Variants in ASTN2 observed in about 807,000 individuals in gnomAD.
ASTN2 encodes astrotactin-2.
Under a neutral mutation model 139.8 loss-of-function variants are expected in ASTN2, and 54 were observed. The ratio of observed to expected loss-of-function variants is 0.39; its 90% CI spans 0.31 to 0.48. ASTN2 has a LOEUF of 0.48. Among genes scored for constraint, ASTN2 ranks in the 20% least tolerant of loss-of-function variants. The probability of loss-of-function intolerance (pLI) is 0.95; values close to 1 mark genes in which losing one functional copy is unlikely to be tolerated. For missense variants in ASTN2, 1,565 were observed against 1,725.1 expected (o/e 0.91, Z 1.64); for synonymous variants, 756 against 719.5 (o/e 1.05, Z -0.81).
chr9:116,565,919 A>G (rs568288342), intron 19 of ASTN2, among the ~76,000 whole-genome samples: 2 of 152,312 alleles, frequency 1.3e-5, no homozygotes, highest in South Asian at 2.1e-4. Context: ...ACAAGTACAT[A>G]TAACACAAGC....
intron 16 of ASTN2, among the ~76,000 whole-genome samples, chr9:116,695,741 C>T (rs803932): frequency 0.68 from 103,380 of 151,984 alleles, 35,559 homozygotes; most frequent in East Asian, 0.87. Context: ...TTGGGGTATA[C>T]GTTGACAGTG....
rs1564386314 is a variant in ASTN2, at chr9:117,016,789, T to TTTTA, written c.1424-8531_1424-8530insTAAA. 8.6e-4 allele frequency among the ~76,000 whole-genome samples: 63 copies of TTTTA among 73,214 alleles called. No individual in the cohort carries two copies. The East Asian group carries it at 0.021, about 24-fold the overall frequency. 48.0% of individuals were successfully genotyped at this position (73,214 alleles called of 152,430 possible). A position where few individuals can be genotyped will look rare whatever the true frequency, so the allele number is the denominator to read the frequency against. On this transcript the variant is annotated intron_variant, in intron 6 of 22. Coordinates refer to ENST00000313400, the MANE Select transcript of ASTN2 (RefSeq NM_001365068.1). ...TATATATAGGTTTTATATATATAGG[T>TTTTA]TATATATAGGTTATATATATGTTTT...
chr9:117,247,170 A>T (rs967670839), intron 2 of ASTN2, among the ~76,000 whole-genome samples: 1 of 152,230 alleles, frequency 6.6e-6, no homozygotes, highest in African/African-American at 2.4e-5. Context: ...AGAGAAAAGT[A>T]AGAGGGACTC....
chr9:116,817,763 A>G (rs1831370885), intron 12 of ASTN2, among the ~76,000 whole-genome samples: 1 of 152,258 alleles, frequency 6.6e-6, no homozygotes, highest in Non-Finnish European at 1.5e-5. Flanking sequence ...TAGACTAATT[A>G]TAATTATGGT....
At chr9:116,432,271 ATCATAAG>A in intron 22 of ASTN2, among the ~76,000 whole-genome samples, 2 of 152,278 alleles carry the variant, frequency 1.3e-5, no homozygotes, top group South Asian at 4.1e-4. Context: ...CTTCCCAGCT[ATCATAAG>A]TCATGTTTTC....
chr9:116,832,056 A>G (rs1831829691), intron 11 of ASTN2, among the ~76,000 whole-genome samples: 1 of 152,118 alleles, frequency 6.6e-6, no homozygotes, highest in African/African-American at 2.4e-5. Flanking sequence ...TATTTTTTAT[A>G]TATTTTGTCA....
intron 6 of ASTN2, among the ~76,000 whole-genome samples, chr9:117,012,148 T>G (rs1253655455): frequency 1.3e-5 from 2 of 152,196 alleles, no homozygotes; most frequent in Non-Finnish European, 1.5e-5. Flanking sequence ...TTCAATTCAC[T>G]TCATCATGGA....
At chr9:116,546,054 A>C (rs1852077484) in intron 19 of ASTN2, 1 of 152,202 alleles carries the variant, frequency 6.6e-6, no homozygotes, top group African/African-American at 2.4e-5. Context: ...GACTGCAGTT[A>C]TAGGAGAAGA....
At chr9:117,346,233 A>G (rs976526121) in intron 1 of ASTN2, among the ~76,000 whole-genome samples, 2 of 152,108 alleles carry the variant, frequency 1.3e-5, no homozygotes, top group Admixed American at 6.6e-5. Context: ...AAGGATTTGC[A>G]TATCTCAAAT....
intron 2 of ASTN2, among the ~76,000 whole-genome samples, chr9:117,244,960 T>A (rs1833335368): frequency 1.3e-5 from 2 of 152,042 alleles, no homozygotes; most frequent in Non-Finnish European, 2.9e-5. Context: ...TGTAGGCAGA[T>A]CTAATGTCAA....
At chr9:116,426,341 G>T (rs1455213408) in intron 22 of ASTN2, among the ~76,000 whole-genome samples, 1 of 152,118 alleles carries the variant, frequency 6.6e-6, no homozygotes, top group Non-Finnish European at 1.5e-5. Flanking sequence ...GGATATGGGA[G>T]CCCTAGGAGT....
chr9:117,115,813 C>T (rs1344583180), intron 4 of ASTN2, among the ~76,000 whole-genome samples: 1 of 151,972 alleles, frequency 6.6e-6, no homozygotes, highest in Admixed American at 6.6e-5. Flanking sequence ...ATCACGAAGT[C>T]AGGAGATCGA....
chr9:116,654,104 G>A (rs1858075645), intron 16 of ASTN2, among the ~76,000 whole-genome samples: 1 of 152,232 alleles, frequency 6.6e-6, no homozygotes, highest in Non-Finnish European at 1.5e-5. Flanking sequence ...AGAAGGTCAA[G>A]AGAGAGTCAG....
chr9:117,240,813 TG>T (rs916755676), intron 2 of ASTN2, among the ~76,000 whole-genome samples: 2 of 152,144 alleles, frequency 1.3e-5, no homozygotes, highest in Non-Finnish European at 2.9e-5. Flanking sequence ...ACATAGCATA[TG>T]GGGGGCTTGA....
chr9:117,193,957 G>GGGT (rs1412799546), intron 3 of ASTN2, among the ~76,000 whole-genome samples: 5 of 132,036 alleles, frequency 3.8e-5, no homozygotes, highest in African/African-American at 1.1e-4. Context: ...GCAGAGGGCA[G>GGGT]GGTGTTGTTG....
chr9:116,842,867 C>T (rs1162583643), intron 11 of ASTN2, among the ~76,000 whole-genome samples: 1 of 152,138 alleles, frequency 6.6e-6, no homozygotes, highest in African/African-American at 2.4e-5. Context: ...AGCCTGCCCC[C>T]ATCCCCCAGG....
At chr9:117,187,218 T>C (rs1324791740) in intron 3 of ASTN2, among the ~76,000 whole-genome samples, 1 of 152,160 alleles carries the variant, frequency 6.6e-6, no homozygotes, top group Non-Finnish European at 1.5e-5. Context: ...GTTTTATTTT[T>C]TATTTTATAC....
At chr9:116,464,880 G>A (rs1848604774) in intron 20 of ASTN2, among the ~76,000 whole-genome samples, 1 of 152,174 alleles carries the variant, frequency 6.6e-6, no homozygotes, top group South Asian at 2.1e-4. Context: ...GGCACAATGG[G>A]TGCGATATGC....
At chr9:117,356,683 G>A (rs947762324) in intron 1 of ASTN2, among the ~76,000 whole-genome samples, 1 of 152,086 alleles carries the variant, frequency 6.6e-6, no homozygotes. Context: ...AAAATGGTTA[G>A]GAAAGGGGAA....
Sources: allele counts gnomAD v4.1 joint callset (sites outside exome capture counted in the v4.1 genomes callset), GRCh38; gene constraint gnomAD v4.1.1; transcripts MANE v1.5; gene names NCBI Gene and HGNC (gene_info 2026-07-23, HGNC 2026-07-21).